MRTFB: variants seen among roughly 807,000 people sequenced by gnomAD.
MRTFB encodes myocardin related transcription factor B.
In MRTFB, 29 loss-of-function variants were observed where a neutral mutation model predicts 104.2. That is an observed-to-expected ratio of 0.28 (90% confidence interval 0.21 to 0.38). MRTFB has a LOEUF of 0.38. Among genes scored for constraint, MRTFB ranks in the 10% least tolerant of loss-of-function variants. The pLI is 1.00. For missense variants in MRTFB, 1,270 were observed against 1,341.6 expected, an observed-to-expected ratio of 0.95 and a Z score of 0.83; for synonymous variants, 535 against 519.5, an observed-to-expected ratio of 1.03 and a Z score of -0.41.
rs373069866 is a variant in MRTFB at position 14,234,104 on chromosome 16, C to G, written c.694-42C>G. The G allele has an allele frequency of 7.5e-5, 119 of 1,591,706 alleles. No homozygotes were observed. In the African/African-American group the frequency reaches 1.5e-3, roughly 20 times the overall value. On this transcript the variant is annotated intron_variant, in intron 8 of 16. Coordinates refer to ENST00000571589, the MANE Select transcript of MRTFB (RefSeq NM_001308142.2). ...ATTCTAATTTTTCTGTTTTTATGAT[C>G]ATTAATTTCACAGACTTGTTCCTTT...
chr16:14,074,187 G>T (rs1193477697), intron 1 of MRTFB, among the ~76,000 whole-genome samples: 3 of 152,062 alleles, frequency 2.0e-5, no homozygotes, highest in African/African-American at 7.2e-5. Context: ...AAAACAGAAG[G>T]CTATACTTTA....
chr16:14,108,481 T>A (rs1172032784), intron 2 of MRTFB, among the ~76,000 whole-genome samples: 3 of 152,194 alleles, frequency 2.0e-5, no homozygotes, highest in African/African-American at 7.2e-5. Flanking sequence ...TTAGAGCCAA[T>A]GGACAACATA....
intron 8 of MRTFB, among the ~76,000 whole-genome samples, chr16:14,228,774 T>C (rs376635842): frequency 1.4e-5 from 2 of 138,526 alleles, no homozygotes; most frequent in African/African-American, 5.3e-5. Context: ...CATTCCGTCA[T>C]TGATGAAACT....
intron 3 of MRTFB, among the ~76,000 whole-genome samples, chr16:14,201,314 G>A (rs1264242602): frequency 1.3e-5 from 2 of 152,272 alleles, no homozygotes; most frequent in Admixed American, 6.5e-5. Context: ...CCTTTGCATT[G>A]TGATCCATAG....
chr16:14,003,619 G>T, the MRTFB span, among the ~76,000 whole-genome samples: 170 of 6,088 alleles, frequency 0.028, 2 homozygotes, highest in East Asian at 0.086. Context: ...AGCTGGGGCC[G>T]GCCGGCCTGC....
At chr16:14,032,819 C>T in the MRTFB span, among the ~76,000 whole-genome samples, 1 of 152,072 alleles carries the variant, frequency 6.6e-6, no homozygotes, top group Non-Finnish European at 1.5e-5. Flanking sequence ...GTGGAAAACC[C>T]ACACTTTTGG....
intron 2 of MRTFB, among the ~76,000 whole-genome samples, chr16:14,111,226 G>A (rs76974090): frequency 2.6e-5 from 4 of 152,274 alleles, no homozygotes; most frequent in African/African-American, 4.8e-5. Flanking sequence ...GAGAGGTGGG[G>A]TTAACCCTGG....
intron 7 of MRTFB, among the ~76,000 whole-genome samples, chr16:14,218,249 CG>C (rs2041514023): frequency 6.6e-6 from 1 of 151,960 alleles, no homozygotes; most frequent in Non-Finnish European, 1.5e-5. Context: ...TTAGCAGAGA[CG>C]GGGTTTCACC....
At chr16:14,235,464 G>C (rs541101542) in intron 9 of MRTFB, among the ~76,000 whole-genome samples, 6 of 152,240 alleles carry the variant, frequency 3.9e-5, no homozygotes, top group African/African-American at 1.4e-4. Context: ...TCCTCAAACG[G>C]GTTCTCTGCC....
intron 3 of MRTFB, among the ~76,000 whole-genome samples, chr16:14,179,481 T>C (rs949965047): frequency 1.3e-5 from 2 of 152,174 alleles, no homozygotes; most frequent in African/African-American, 4.8e-5. Context: ...TGAAAACAAA[T>C]TGCATACATT....
chr16:14,010,393 T>C, the MRTFB span, among the ~76,000 whole-genome samples: 1 of 152,188 alleles, frequency 6.6e-6, no homozygotes, highest in Admixed American at 6.5e-5. Context: ...CATGGCTCAC[T>C]GCAGCCTCAA....
chr16:14,044,250 T>A, the MRTFB span, among the ~76,000 whole-genome samples: 1 of 152,142 alleles, frequency 6.6e-6, no homozygotes, highest in South Asian at 2.1e-4. Context: ...ATGAGGCCTG[T>A]CTCTTTCCTG....
At chr16:14,090,879 GGTGTGTGTGTGT>G (rs55685117) in intron 2 of MRTFB, among the ~76,000 whole-genome samples, 137 of 141,788 alleles carry the variant, frequency 9.7e-4, no homozygotes, top group African/African-American at 2.3e-3. Context: ...AGTTCAGCAT[GGTGTGTGTGTGT>G]GTGTGTGTGT....
At chr16:14,032,323 G>C in the MRTFB span, among the ~76,000 whole-genome samples, 3 of 152,138 alleles carry the variant, frequency 2.0e-5, no homozygotes, top group African/African-American at 7.2e-5. Flanking sequence ...AACCCCAAAG[G>C]ACAGGGTTTT....
chr16:14,021,794 C>T, the MRTFB span, among the ~76,000 whole-genome samples: 5,917 of 152,206 alleles, frequency 0.039, 376 homozygotes, highest in African/African-American at 0.13. Flanking sequence ...ATCGTATATA[C>T]CACAGTTTCT....
the MRTFB span, among the ~76,000 whole-genome samples, chr16:14,022,860 C>A: frequency 6.7e-6 from 1 of 150,064 alleles, no homozygotes; most frequent in African/African-American, 2.5e-5. Context: ...CCACGCCTGG[C>A]TACTTTTTGT....
chr16:14,107,588 T>G (rs1459377442), intron 2 of MRTFB, among the ~76,000 whole-genome samples: 1 of 152,224 alleles, frequency 6.6e-6, no homozygotes, highest in Non-Finnish European at 1.5e-5. Flanking sequence ...GACTTCATTT[T>G]GGTCTCTAGG....
In MRTFB at chr16:14,263,060, C is replaced by G. The variant is rs892596831; in HGVS notation, c.*1616C>G. The G allele has an allele frequency of 2.0e-5, 3 of 152,406 alleles. No individual in the cohort carries two copies. Among genetic ancestry groups the G allele is most frequent in the African/African-American group, 7.2e-5 (3 of 41,468 alleles). 9.4% of individuals were successfully genotyped at this position (152,406 alleles called of 1,614,324 possible). ...GGTTTATAAATTTTACTACGTGTAACAAAAGTCTGCTTTTCCAGCATGAGC... is the reference window on the plus strand; with the variant it reads ...GGTTTATAAATTTTACTACGTGTAAGAAAAGTCTGCTTTTCCAGCATGAGC... On this transcript the variant is annotated 3_prime_UTR_variant, in exon 17 of 17. Transcript: ENST00000571589.
the MRTFB span, among the ~76,000 whole-genome samples, chr16:14,003,507 G>C: frequency 6.6e-6 from 1 of 152,114 alleles, no homozygotes; most frequent in Non-Finnish European, 1.5e-5. Flanking sequence ...GCAGTGCAAT[G>C]GCAGTTCCCG....
Sources: allele counts gnomAD v4.1 joint callset (sites outside exome capture counted in the v4.1 genomes callset), GRCh38; gene constraint gnomAD v4.1.1; transcripts MANE v1.5; gene names NCBI Gene and HGNC (gene_info 2026-07-23, HGNC 2026-07-21).